Variants in HIVEP3 observed in about 807,000 individuals in gnomAD.
HIVEP3 encodes the protein HIVEP zinc finger 3.
HIVEP3 carries 49 observed loss-of-function variants against 152.8 expected under a neutral mutation model. The ratio of observed to expected loss-of-function variants is 0.32; its 90% CI spans 0.26 to 0.41. The LOEUF (loss-of-function observed/expected upper bound fraction) is 0.41. Among genes scored for constraint, HIVEP3 ranks in the 10% least tolerant of loss-of-function variants. HIVEP3 has a pLI of 1.00. For synonymous variants in HIVEP3, 1,269 were observed against 1,289.0 expected (o/e 0.98, Z 0.33); for missense variants, 2,790 against 3,103.3 (o/e 0.90, Z 2.40).
In HIVEP3 at chr1:41,969,118, A is replaced by C. The variant is rs559015758; in HGVS notation, n.120-50594T>G. Among the ~76,000 whole-genome samples the C allele has an allele frequency of 4.6e-5, 7 of 152,338 alleles. No homozygotes were observed. In the East Asian group the frequency reaches 9.6e-4, roughly 21 times the overall value. On this transcript the variant is annotated intron_variant and non_coding_transcript_variant, in intron 1 of 3. Transcript: ENST00000489103. ...ATGGATAGGAAGAATCAATATCGTG[A>C]AAATGGCCATATTGCCCAAAGTAAT...
intron 1 of HIVEP3, among the ~76,000 whole-genome samples, chr1:41,838,277 G>C (rs1643185796): frequency 6.6e-6 from 1 of 152,036 alleles, no homozygotes; most frequent in African/African-American, 2.4e-5. Context: ...CATCGACAGA[G>C]GCAAGATTCA....
intron 5 of HIVEP3, among the ~76,000 whole-genome samples, chr1:41,570,197 C>T (rs1353065472): frequency 2.0e-5 from 3 of 152,200 alleles, no homozygotes; most frequent in East Asian, 3.9e-4. Context: ...AGAGATCAGG[C>T]GATGATGGGA....
chr1:41,693,382 C>T (rs1014833217), intron 2 of HIVEP3, among the ~76,000 whole-genome samples: 2 of 152,196 alleles, frequency 1.3e-5, no homozygotes, highest in Admixed American at 1.3e-4. Flanking sequence ...CCAAAGGACA[C>T]TTTGATTGTT....
At chr1:41,788,796 T>C (rs1363778815) in intron 1 of HIVEP3, among the ~76,000 whole-genome samples, 2 of 152,238 alleles carry the variant, frequency 1.3e-5, no homozygotes, top group African/African-American at 4.8e-5. Context: ...AACATCCCCG[T>C]GGAAAGGAGG....
At chr1:41,710,578 C>T (rs1014832550) in intron 1 of HIVEP3, among the ~76,000 whole-genome samples, 11 of 152,208 alleles carry the variant, frequency 7.2e-5, no homozygotes, top group African/African-American at 2.7e-4. Flanking sequence ...CAGCACAGTC[C>T]TACTCCTTGC....
intron 2 of HIVEP3, among the ~76,000 whole-genome samples, chr1:41,671,643 C>G (rs750968001): frequency 6.6e-6 from 1 of 152,248 alleles, no homozygotes; most frequent in Non-Finnish European, 1.5e-5. Flanking sequence ...CTCCGCCTCA[C>G]GCAGAACAGG....
At chr1:41,620,034 T>C (rs978906723) in intron 3 of HIVEP3, among the ~76,000 whole-genome samples, 1 of 152,134 alleles carries the variant, frequency 6.6e-6, no homozygotes, top group African/African-American at 2.4e-5. Context: ...CTGAGTTCCT[T>C]TGAATATCTG....
chr1:41,885,752 C>T (rs967528712), intron 1 of HIVEP3, among the ~76,000 whole-genome samples: 6 of 147,418 alleles, frequency 4.1e-5, no homozygotes, highest in Non-Finnish European at 7.5e-5. Flanking sequence ...TTTCCCTTCC[C>T]CCTTCCCTTC....
chr1:41,774,636 T>G (rs561204448), intron 1 of HIVEP3, among the ~76,000 whole-genome samples: 1 of 152,312 alleles, frequency 6.6e-6, no homozygotes, highest in East Asian at 1.9e-4. Context: ...AAATCACATC[T>G]TTCCCAATAA....
chr1:41,667,677 T>A (rs898536657), intron 2 of HIVEP3, among the ~76,000 whole-genome samples: 5 of 152,230 alleles, frequency 3.3e-5, no homozygotes, highest in African/African-American at 1.2e-4. Flanking sequence ...TGTGGGTGCA[T>A]GTCCTGGTCC....
intron 1 of HIVEP3, among the ~76,000 whole-genome samples, chr1:41,800,990 C>T (rs576299098): frequency 2.6e-5 from 4 of 152,296 alleles, no homozygotes; most frequent in South Asian, 4.1e-4. Flanking sequence ...GAACAAACTA[C>T]AATTAATGCT....
intron 1 of HIVEP3, among the ~76,000 whole-genome samples, chr1:41,851,289 CTTTTTTTTTTTTTTTT>C (rs34180186): frequency 0.032 from 1,951 of 60,054 alleles, 56 homozygotes; most frequent in Non-Finnish European, 0.037. Context: ...TCTTCTTCTT[CTTTTTTTTTTTTTTTT>C]TTTTTTTTTT....
intron 1 of HIVEP3, among the ~76,000 whole-genome samples, chr1:41,883,451 C>T (rs976979881): frequency 6.6e-6 from 1 of 152,168 alleles, no homozygotes; most frequent in Admixed American, 6.5e-5. Context: ...TGCCCACTGA[C>T]CTCCTGCTAT....
chr1:41,958,928 C>A (rs1645154845), intron 1 of HIVEP3, among the ~76,000 whole-genome samples: 2 of 152,228 alleles, frequency 1.3e-5, no homozygotes, highest in African/African-American at 4.8e-5. Flanking sequence ...GGAGTGGGCA[C>A]CAAGTGACAT....
chr1:42,019,566 T>C (rs1158541363), intron 1 of HIVEP3, among the ~76,000 whole-genome samples: 2 of 151,936 alleles, frequency 1.3e-5, no homozygotes, highest in Non-Finnish European at 2.9e-5. Context: ...GTATAATTGG[T>C]TTTTATATAT....
At chr1:41,523,648 GC>G (rs1165758325) in intron 6 of HIVEP3, among the ~76,000 whole-genome samples, 1 of 152,122 alleles carries the variant, frequency 6.6e-6, no homozygotes, top group Non-Finnish European at 1.5e-5. Context: ...ACCCTGCTGG[GC>G]CCCCTCCAGA....
At chr1:42,031,196 C>T (rs1179282510) in intron 1 of HIVEP3, among the ~76,000 whole-genome samples, 1 of 152,304 alleles carries the variant, frequency 6.6e-6, no homozygotes, top group East Asian at 1.9e-4. Context: ...CCTGCCTCTA[C>T]CAATTACCCC....
In HIVEP3 at chr1:41,918,107, C is replaced by CCCGCCGCCGCCGCCG. The variant is rs61551837; in HGVS notation, c.-801+291_-801+305dup. On this transcript the variant is annotated intron_variant, in intron 1 of 8. Coordinates refer to ENST00000372583, the MANE Select transcript of HIVEP3 (RefSeq NM_024503.5). The surrounding 1 kb of genome is among the most constrained non-coding windows in gnomAD (Gnocchi z 4.3). ...CGCACGGCGCGCATAGGGTTACAGC[C>CCCGCCGCCGCCGCCG]CCGCCGCCGCCGCCGCCGCCGCCGC... Among the ~76,000 whole-genome samples, 3 of 151,614 alleles carry CCCGCCGCCGCCGCCG rather than the reference C, an allele frequency of 2.0e-5. No homozygotes were observed. The highest frequency in any genetic ancestry group is 2.9e-5 in the Non-Finnish European group (2 of 67,874).
chr1:41,878,396 A>G (rs923273979), intron 1 of HIVEP3, among the ~76,000 whole-genome samples: 1 of 152,130 alleles, frequency 6.6e-6, no homozygotes, highest in African/African-American at 2.4e-5. Flanking sequence ...ATGGAACCAG[A>G]CCCCCAAGGC....
Sources: gnomAD v4.1 joint callset for allele counts (sites outside exome capture counted in the v4.1 genomes callset) on GRCh38, gnomAD v4.1.1 for gene constraint, Gnocchi (gnomAD v3.1) non-coding constraint, MANE v1.5 for transcripts, NCBI Gene and HGNC (gene_info 2026-07-23, HGNC 2026-07-21) for gene names.